The following PTK2 variants were observed in gnomAD, a reference collection of about 807,000 sequenced individuals.
The protein encoded by PTK2 is focal adhesion kinase 1.
PTK2 carries 45 observed loss-of-function variants against 150.1 expected under a neutral mutation model. That is an observed-to-expected ratio of 0.30 (90% CI 0.24 to 0.38). The LOEUF (loss-of-function observed/expected upper bound fraction) is 0.38, where lower values mean the gene tolerates loss of function less well. Among genes scored for constraint, PTK2 ranks in the 10% least tolerant of loss-of-function variants. PTK2 has a pLI of 1.00. For synonymous variants in PTK2, 432 were observed against 449.2 expected (o/e 0.96, Z 0.48); for missense variants, 919 against 1,307.3 (o/e 0.70, Z 4.58).
intron 9 of PTK2, 72 bp from the exon 10 acceptor site, chr8:140,818,426 G>C (rs1405379771): frequency 1.5e-5 from 21 of 1,368,232 alleles, no homozygotes; most frequent in Non-Finnish European, 2.2e-5. Flanking sequence ...AAAGAGCCGT[G>C]GATATGTTAA....
chr8:140,775,804 A>G (rs143550018), intron 14 of PTK2, among the ~76,000 whole-genome samples: 59 of 152,376 alleles, frequency 3.9e-4, no homozygotes, highest in African/African-American at 1.3e-3. Flanking sequence ...AAGGACACCT[A>G]TCAAAATAAA....
chr8:140,870,047 C>T (rs914312521), intron 4 of PTK2, among the ~76,000 whole-genome samples: 2 of 151,954 alleles, frequency 1.3e-5, no homozygotes, highest in East Asian at 1.9e-4. Context: ...AAAAAATGTA[C>T]ACAAACACAC....
chr8:140,720,628 T>C (rs13276301), intron 22 of PTK2, among the ~76,000 whole-genome samples: 3 of 152,040 alleles, frequency 2.0e-5, no homozygotes, highest in African/African-American at 7.2e-5. Context: ...AGACAACCTA[T>C]GTGACGAGCT....
chr8:140,680,102 G>A (rs549481897), intron 27 of PTK2, among the ~76,000 whole-genome samples: 2 of 152,126 alleles, frequency 1.3e-5, no homozygotes, highest in Non-Finnish European at 2.9e-5. Flanking sequence ...AGAGTGATGC[G>A]ACACAGTACC....
chr8:140,881,878 C>T (rs893311663), intron 3 of PTK2, among the ~76,000 whole-genome samples: 3 of 152,120 alleles, frequency 2.0e-5, no homozygotes, highest in African/African-American at 4.8e-5. Context: ...TGGAGTTTCA[C>T]GTAAGAGAGA....
chr8:140,802,187 C>T (rs933380606), intron 11 of PTK2, among the ~76,000 whole-genome samples: 8 of 151,880 alleles, frequency 5.3e-5, no homozygotes, highest in East Asian at 3.9e-4. Context: ...ATGTGTGTTA[C>T]GGCCCCTGAA....
At chr8:140,888,717 C>A (rs1014190921) in intron 3 of PTK2, among the ~76,000 whole-genome samples, 10 of 152,180 alleles carry the variant, frequency 6.6e-5, no homozygotes, top group African/African-American at 2.2e-4. Flanking sequence ...AACCATGGCA[C>A]ATCTGTTAAA....
chr8:140,777,780 C>T (rs1166110881), intron 14 of PTK2, among the ~76,000 whole-genome samples: 1 of 152,204 alleles, frequency 6.6e-6, no homozygotes, highest in South Asian at 2.1e-4. Flanking sequence ...GACCATATGA[C>T]ATCAGAGAGC....
intron 7 of PTK2, among the ~76,000 whole-genome samples, chr8:140,831,262 G>A (rs2100115196): frequency 6.6e-6 from 1 of 152,188 alleles, no homozygotes; most frequent in African/African-American, 2.4e-5. Context: ...AACTTACTCA[G>A]ATGTTTTGGC....
At chr8:140,907,092 C>T (rs757805469) in intron 2 of PTK2, among the ~76,000 whole-genome samples, 44 of 152,220 alleles carry the variant, frequency 2.9e-4, no homozygotes, top group Non-Finnish European at 4.6e-4. Flanking sequence ...TCTGATTTAC[C>T]AAATGAAGAG....
chr8:140,703,036 T>C (rs553662746), intron 24 of PTK2, among the ~76,000 whole-genome samples: 3 of 151,808 alleles, frequency 2.0e-5, no homozygotes, highest in Non-Finnish European at 4.4e-5. Flanking sequence ...TGAAGAAGGG[T>C]CAGAGAGAGT....
chr8:140,752,074 G>A (rs1488610773), intron 17 of PTK2, 158 bp downstream of exon 20: 1 of 707,298 alleles, frequency 1.4e-6, no homozygotes, highest in Admixed American at 2.2e-5. Context: ...CTGTAGATAG[G>A]TGCTTGTACA....
chr8:140,745,910 G>T (rs2154479009), intron 18 of PTK2, among the ~76,000 whole-genome samples: 1 of 151,642 alleles, frequency 6.6e-6, no homozygotes, highest in South Asian at 2.1e-4. Flanking sequence ...TGAGGCAAGA[G>T]TAGTGCTTGA....
intron 27 of PTK2, among the ~76,000 whole-genome samples, chr8:140,683,967 T>C (rs941281761): frequency 1.3e-5 from 2 of 152,168 alleles, no homozygotes; most frequent in Non-Finnish European, 2.9e-5. Flanking sequence ...GGATGCCCAC[T>C]CTTACCATAT....
intron 26 of PTK2, among the ~76,000 whole-genome samples, chr8:140,692,344 C>A (rs1179138563): frequency 1.3e-5 from 2 of 152,178 alleles, no homozygotes; most frequent in Non-Finnish European, 2.9e-5. Context: ...CAGCCAGGTG[C>A]AGTGGCTAAC....
In PTK2 at chr8:140,744,638, T is replaced by C; in HGVS notation, c.1634+14A>G. 1 of 1,483,182 alleles carries C rather than the reference T, an allele frequency of 6.7e-7. No individual in the cohort carries two copies. Among genetic ancestry groups the C allele is most frequent in the Admixed American group, 1.8e-5 (1 of 54,054 alleles). 91.9% of individuals were successfully genotyped at this position (1,483,182 alleles called of 1,614,324 possible). ...TTCAGAAGGGAACTTAACAGCTTTA[T>C]GACTGTATCTTACCTGTGTACAAAT... On this transcript the variant is annotated intron_variant, in intron 19 of 31. Coordinates refer to ENST00000522684, the Ensembl canonical transcript of PTK2.
chr8:140,926,258 AG>A (rs1166747156), intron 1 of PTK2, among the ~76,000 whole-genome samples: 5 of 152,356 alleles, frequency 3.3e-5, no homozygotes, highest in African/African-American at 1.2e-4. Context: ...GAACAAACTG[AG>A]GAACAGAGAA....
intron 15 of PTK2, among the ~76,000 whole-genome samples, chr8:140,762,054 A>G (rs1282655742): frequency 6.6e-6 from 1 of 152,144 alleles, no homozygotes; most frequent in Non-Finnish European, 1.5e-5. Flanking sequence ...TTCAGGTAAG[A>G]AACTCATCTC....
intron 1 of PTK2, among the ~76,000 whole-genome samples, chr8:140,928,643 G>A (rs1266070999): frequency 6.6e-6 from 1 of 152,204 alleles, no homozygotes; most frequent in East Asian, 1.9e-4. Flanking sequence ...TCTAACACAT[G>A]CTGAACCTTG....
Sources: allele counts gnomAD v4.1 joint callset (sites outside exome capture counted in the v4.1 genomes callset), GRCh38; gene constraint gnomAD v4.1.1; transcripts MANE v1.5; gene names NCBI Gene and HGNC (gene_info 2026-07-23, HGNC 2026-07-21).